APOOL: variants seen among roughly 807,000 people sequenced by gnomAD.
APOOL encodes apolipoprotein O like, also known as MICOS complex subunit MIC27.
In APOOL, 12 loss-of-function variants were observed where a neutral mutation model predicts 23.1. The observed-to-expected ratio is 0.52, with a 90% CI of 0.33 to 0.84. The LOEUF (loss-of-function observed/expected upper bound fraction) is 0.84, where lower values mean the gene tolerates loss of function less well. Ranked by LOEUF, APOOL falls within the 40% of genes least tolerant of loss-of-function variation. APOOL has a pLI of 0.02. For synonymous variants in APOOL, 77 were observed against 69.9 expected (o/e 1.10, Z -0.51); for missense variants, 212 against 199.6 (o/e 1.06, Z -0.37).
chrX:85,080,789 A>G (rs1311635177), intron 8 of APOOL, among the ~76,000 whole-genome samples: 1 of 111,770 alleles, frequency 8.9e-6, no homozygotes, highest in African/African-American at 3.3e-5. Flanking sequence ...TATTGGGTGC[A>G]TATATATTTA....
chrX:85,079,757 T>C (rs1924014020), intron 8 of APOOL, among the ~76,000 whole-genome samples: 2 of 111,682 alleles, frequency 1.8e-5, no homozygotes, highest in Non-Finnish European at 3.8e-5. Context: ...AATTATTGCC[T>C]CAATTTCAGA....
chrX:85,027,741 C>T (rs182972378), intron 1 of APOOL, among the ~76,000 whole-genome samples: 35 of 112,145 alleles, frequency 3.1e-4, no homozygotes, highest in African/African-American at 1.0e-3. Flanking sequence ...TTGCCTCCCA[C>T]GCTTCTTACC....
rs1922945563 is a variant in APOOL, at chrX:85,055,901, G to A, written c.370G>A (p.Ala124Thr). 3 of 1,196,573 alleles carry A rather than the reference G, an allele frequency of 2.5e-6. No homozygotes were observed. The highest frequency in any genetic ancestry group is 3.4e-6 in the Non-Finnish European group (3 of 889,195). The change falls in exon 5 of 9, where the codon GCG becomes ACG. Residue 124 changes from alanine to threonine, a missense_variant. Transcript: ENST00000373173. ...KMGVITVSGL[A>T]GLVSARKGSK... ...GGGAGTTATTACAGTTTCAGGATTG[G>A]CGGGCTTGGTTTCAGCGAGAAAAGG...
chrX:85,080,234 A>G (rs1924040385), intron 8 of APOOL, among the ~76,000 whole-genome samples: 1 of 112,151 alleles, frequency 8.9e-6, no homozygotes, highest in African/African-American at 3.2e-5. Flanking sequence ...ATTTAGTGCT[A>G]TAAATTTCCT....
intron 1 of APOOL, among the ~76,000 whole-genome samples, chrX:85,030,190 A>T (rs1442316407): frequency 1.8e-5 from 2 of 112,210 alleles, no homozygotes; most frequent in African/African-American, 6.5e-5. Context: ...AAGAAATGAA[A>T]TAATGTCTTT....
In APOOL at chrX:85,084,215, A is replaced by C. The variant is rs560098851; in HGVS notation, c.719-3375A>C. On this transcript the variant is annotated intron_variant, in intron 8 of 8. Transcript: ENST00000373173. ...CAGTGGTGCGATCTTGGCTCACTGT[A>C]ACCTCTGCCTCCCGGGTTCAAGCGA... Among the ~76,000 whole-genome samples the C allele has an allele frequency of 9.2e-5, 9 of 97,554 alleles. No homozygotes were observed. The South Asian group carries it at 4.5e-3, about 48-fold the overall frequency. 84.7% of individuals were successfully genotyped at this position (97,554 alleles called of 115,157 possible).
chrX:85,008,085 A>G (rs1381113489), intron 1 of APOOL, among the ~76,000 whole-genome samples: 4 of 110,943 alleles, frequency 3.6e-5, no homozygotes, highest in African/African-American at 1.3e-4. Flanking sequence ...TAGCTATAAG[A>G]CCCTCTGGGT....
At chrX:85,051,542 G>A in intron 3 of APOOL, 34 bp downstream of exon 3, 1 of 1,205,351 alleles carries the variant, frequency 8.3e-7, no homozygotes, top group Non-Finnish European at 1.1e-6. Flanking sequence ...TAATATCAGA[G>A]ATTTCTGATT....
At chrX:85,039,056 C>A (rs1922321680) in intron 1 of APOOL, among the ~76,000 whole-genome samples, 1 of 110,499 alleles carries the variant, frequency 9.0e-6, no homozygotes, top group South Asian at 3.8e-4. Flanking sequence ...ATAAACTTTC[C>A]TCTTAATAGT....
intron 1 of APOOL, among the ~76,000 whole-genome samples, chrX:85,008,573 G>GTGTGTGTGTGTGTA (rs900170075): frequency 9.2e-6 from 1 of 108,705 alleles, no homozygotes; most frequent in Admixed American, 9.9e-5. Context: ...GTGTGTGTGT[G>GTGTGTGTGTGTGTA]TATACCACAG....
rs1236951708 is a variant in APOOL, at chrX:85,092,846, C to A, written c.*5168C>A. The A allele has an allele frequency of 6.1e-6, 2 of 325,996 alleles. No individual in the cohort carries two copies. Among genetic ancestry groups the A allele is most frequent in the Non-Finnish European group, 1.1e-5 (2 of 188,264 alleles). 26.9% of individuals were successfully genotyped at this position (325,996 alleles called of 1,213,427 possible). A position where few individuals can be genotyped will look rare whatever the true frequency, so the allele number is the denominator to read the frequency against. ...CATGTTCTCATATGTTTCCAAAATA[C>A]AAGAAGATCTTGCTTTTATAGTCTT... On this transcript the variant is annotated 3_prime_UTR_variant, in exon 9 of 9. Transcript: ENST00000373173.
chrX:85,033,556 T>A (rs1441137073), intron 1 of APOOL, among the ~76,000 whole-genome samples: 1 of 112,005 alleles, frequency 8.9e-6, no homozygotes, highest in African/African-American at 3.2e-5. Context: ...GAGAATAAGT[T>A]TTTTTCATTG....
chrX:85,021,675 A>T (rs2147477510), intron 1 of APOOL, among the ~76,000 whole-genome samples: 2 of 111,775 alleles, frequency 1.8e-5, no homozygotes, highest in African/African-American at 6.5e-5. Context: ...ACCTAATGTT[A>T]CACCTCAAGA....
intron 8 of APOOL, among the ~76,000 whole-genome samples, chrX:85,077,210 A>G (rs1466895836): frequency 9.4e-6 from 1 of 105,879 alleles, no homozygotes; most frequent in Non-Finnish European, 1.9e-5. Context: ...TGCACCCATT[A>G]ACTCATCATT....
chrX:85,027,274 G>A (rs1043084728), intron 1 of APOOL, among the ~76,000 whole-genome samples: 2 of 111,265 alleles, frequency 1.8e-5, no homozygotes, highest in Admixed American at 1.9e-4. Flanking sequence ...ACTCACTGTC[G>A]TGAAGACAGC....
chrX:85,088,345 T>TTTTTC lies in APOOL; in HGVS notation c.*667_*668insTTTTC, dbSNP rs1924438508. The TTTTTC allele has an allele frequency of 2.4e-5, 2 of 84,827 alleles. No homozygotes were observed. The highest frequency in any genetic ancestry group is 2.2e-5 in the Non-Finnish European group (1 of 44,924). The allele number at this position is 84,827 out of a possible 1,213,427, so 7.0% of individuals were successfully genotyped here. ...TTTTTTTTTTTTTTTTTTTTTTTTTTCCCATTTCCTAGAGCTGGAATAAAA... is the reference window on the plus strand; with the variant it reads ...TTTTTTTTTTTTTTTTTTTTTTTTTTTTTTCCCCATTTCCTAGAGCTGGAATAAAA... On this transcript the variant is annotated 3_prime_UTR_variant, in exon 9 of 9. Coordinates refer to ENST00000373173, the MANE Select transcript of APOOL (RefSeq NM_198450.6).
At chrX:85,008,325 CG>C (rs1461318544) in intron 1 of APOOL, among the ~76,000 whole-genome samples, 1 of 111,319 alleles carries the variant, frequency 9.0e-6, no homozygotes, top group Admixed American at 9.6e-5. Flanking sequence ...CCCAACCTCT[CG>C]CCTTTCCTTT....
At chrX:85,080,789 A>C (rs1311635177) in intron 8 of APOOL, among the ~76,000 whole-genome samples, 2 of 111,770 alleles carry the variant, frequency 1.8e-5, no homozygotes, top group Non-Finnish European at 3.8e-5. Context: ...TATTGGGTGC[A>C]TATATATTTA....
At chrX:85,059,726 T>C (rs1251606906) in intron 5 of APOOL, among the ~76,000 whole-genome samples, 2 of 110,896 alleles carry the variant, frequency 1.8e-5, no homozygotes, top group African/African-American at 3.3e-5. Flanking sequence ...GATGGGGTTG[T>C]TTGTTTTTTT....
Sources: allele counts gnomAD v4.1 joint callset (sites outside exome capture counted in the v4.1 genomes callset), GRCh38; gene constraint gnomAD v4.1.1; transcripts MANE v1.5; gene names NCBI Gene and HGNC (gene_info 2026-07-23, HGNC 2026-07-21).